SGMS1: variants seen among roughly 807,000 people sequenced by gnomAD.
The protein encoded by SGMS1 is sphingomyelin synthase 1.
SGMS1 carries 13 observed loss-of-function variants against 46.2 expected under a neutral mutation model. That is an observed-to-expected ratio of 0.28 (90% CI 0.18 to 0.45). SGMS1 has a LOEUF of 0.45. Ranked by LOEUF, SGMS1 falls within the 20% of genes least tolerant of loss-of-function variation. The probability of loss-of-function intolerance (pLI) is 1.00; values close to 1 mark genes in which losing one functional copy is unlikely to be tolerated. For missense variants in SGMS1, 324 were observed against 519.9 expected, an observed-to-expected ratio of 0.62 and a Z score of 3.66; for synonymous variants, 203 against 187.8, an observed-to-expected ratio of 1.08 and a Z score of -0.66.
intron 1 of SGMS1, among the ~76,000 whole-genome samples, chr10:50,621,090 C>T (rs955775771): frequency 2.0e-5 from 3 of 152,098 alleles, no homozygotes; most frequent in Non-Finnish European, 4.4e-5. Context: ...GTAAGAGAAT[C>T]CCCTGAGCCT....
In SGMS1 at chr10:50,430,211, C is replaced by A. The variant is rs559481809; in HGVS notation, c.-232+3265G>T. Among the ~76,000 whole-genome samples, 4 of 152,192 alleles carry A rather than the reference C, an allele frequency of 2.6e-5. No individual in the cohort carries two copies. The South Asian group carries it at 8.3e-4, about 32-fold the overall frequency. ...GCACCATGATGTTACCAAAGATGTT[C>A]ATTACAGCACACTTTACAAAAATGA... On this transcript the variant is annotated intron_variant, in intron 6 of 10. Coordinates refer to ENST00000361781, the MANE Select transcript of SGMS1 (RefSeq NM_147156.4).
intron 3 of SGMS1, chr10:50,474,129 C>G (rs916017384): frequency 1.3e-5 from 2 of 152,144 alleles, no homozygotes; most frequent in Non-Finnish European, 2.9e-5. Flanking sequence ...TATCTTGAAC[C>G]CTTTTGTTGA....
At chr10:50,472,630 T>C (rs967306107) in intron 3 of SGMS1, among the ~76,000 whole-genome samples, 4 of 152,204 alleles carry the variant, frequency 2.6e-5, no homozygotes, top group Non-Finnish European at 4.4e-5. Context: ...AAGGACACAA[T>C]AAACATGGGA....
At chr10:50,615,582 A>G (rs1023436984) in intron 1 of SGMS1, among the ~76,000 whole-genome samples, 2 of 152,196 alleles carry the variant, frequency 1.3e-5, no homozygotes, top group African/African-American at 4.8e-5. Flanking sequence ...CCACTGTACT[A>G]TAAGACAGAG....
In SGMS1 at chr10:50,307,366, C is replaced by A. The variant is rs1327440601; in HGVS notation, c.1063-45G>T. Reference sequence around the variant, plus strand: ...TAAACACATTTCTTACAATCTTTCACTTTAAGTTCAAATACTTGCCACGCT... The same window carrying A: ...TAAACACATTTCTTACAATCTTTCAATTTAAGTTCAAATACTTGCCACGCT... On this transcript the variant is annotated intron_variant, in intron 10 of 10. Transcript: ENST00000361781. This position sits in a 1 kb window ranked among gnomAD's most constrained non-coding sequence, Gnocchi z 4.2. 6.4e-7 allele frequency: 1 copy of A among 1,570,832 alleles called. No individual in the cohort carries two copies. Among genetic ancestry groups the A allele is most frequent in the African/African-American group, 1.4e-5 (1 of 73,908 alleles).
intron 1 of SGMS1, among the ~76,000 whole-genome samples, chr10:50,617,889 T>A (rs2131942102): frequency 6.6e-6 from 1 of 151,198 alleles, no homozygotes; most frequent in East Asian, 1.9e-4. Flanking sequence ...TAATTTTTTT[T>A]TTTTTTTTTG....
In SGMS1 at chr10:50,598,464, A is replaced by T. The variant is rs189841479; in HGVS notation, c.-683-8217T>A. Among the ~76,000 whole-genome samples, 998 of 152,348 alleles carry T rather than the reference A, an allele frequency of 6.6e-3. 14 individuals are homozygous for T. The highest frequency in any genetic ancestry group is 0.023 in the African/African-American group (938 of 41,580). ...CAAAAAGTGAATTTTACTGAATTTTAAGTTTTTAAAATTTAAAAATTACTA... is the reference window on the plus strand; with the variant it reads ...CAAAAAGTGAATTTTACTGAATTTTTAGTTTTTAAAATTTAAAAATTACTA... On this transcript the variant is annotated intron_variant, in intron 1 of 10. Coordinates refer to ENST00000361781, the MANE Select transcript of SGMS1 (RefSeq NM_147156.4).
intron 4 of SGMS1, among the ~76,000 whole-genome samples, chr10:50,465,747 C>T (rs1837320873): frequency 6.6e-6 from 1 of 151,916 alleles, no homozygotes; most frequent in African/African-American, 2.4e-5. Flanking sequence ...AATTGAGAGA[C>T]ATCAGTTTCC....
At chr10:50,334,009 C>G (rs1423350189) in intron 7 of SGMS1, among the ~76,000 whole-genome samples, 1 of 152,184 alleles carries the variant, frequency 6.6e-6, no homozygotes, top group Non-Finnish European at 1.5e-5. Flanking sequence ...AGCCTGGAGC[C>G]AGAGAGTAAG....
intron 6 of SGMS1, among the ~76,000 whole-genome samples, chr10:50,351,189 TG>T (rs891509742): frequency 1.3e-5 from 2 of 152,222 alleles, no homozygotes; most frequent in Non-Finnish European, 2.9e-5. Flanking sequence ...TGGACTTACA[TG>T]GGTCTGTAAC....
At chr10:50,435,166 G>A (rs1470925700) in intron 5 of SGMS1, among the ~76,000 whole-genome samples, 2 of 152,194 alleles carry the variant, frequency 1.3e-5, no homozygotes, top group East Asian at 1.9e-4. Flanking sequence ...AACCCCATCT[G>A]TGCTGTTTAA....
At chr10:50,511,198 C>T (rs139075594) in intron 3 of SGMS1, among the ~76,000 whole-genome samples, 215 of 150,078 alleles carry the variant, frequency 1.4e-3, no homozygotes, top group Middle Eastern at 7.0e-3. Flanking sequence ...AACAGTACTT[C>T]CTGCCTTTAA....
At chr10:50,415,781 C>G (rs542759845) in intron 6 of SGMS1, among the ~76,000 whole-genome samples, 1 of 152,160 alleles carries the variant, frequency 6.6e-6, no homozygotes, top group Non-Finnish European at 1.5e-5. Flanking sequence ...CTTTCATGAA[C>G]TCACCATTCT....
intron 6 of SGMS1, among the ~76,000 whole-genome samples, chr10:50,352,629 T>C (rs959654225): frequency 6.6e-6 from 1 of 152,206 alleles, no homozygotes; most frequent in African/African-American, 2.4e-5. Context: ...TAAAATCTCA[T>C]ACATAGCAAA....
chr10:50,611,245 G>T (rs1838746510), intron 1 of SGMS1, among the ~76,000 whole-genome samples: 1 of 152,102 alleles, frequency 6.6e-6, no homozygotes, highest in African/African-American at 2.4e-5. Context: ...GAAATCTCAG[G>T]GTCACCCTCT....
intron 2 of SGMS1, among the ~76,000 whole-genome samples, chr10:50,580,206 TAA>T (rs529206263): frequency 4.4e-4 from 67 of 152,004 alleles, no homozygotes; most frequent in African/African-American, 1.3e-3. Context: ...GAAACAAGCA[TAA>T]CAGGCATAAC....
chr10:50,425,400 G>T (rs1365378165), intron 6 of SGMS1, among the ~76,000 whole-genome samples: 1 of 152,164 alleles, frequency 6.6e-6, no homozygotes, highest in Non-Finnish European at 1.5e-5. Flanking sequence ...ACATGCCATG[G>T]AATACTACAC....
intron 2 of SGMS1, among the ~76,000 whole-genome samples, chr10:50,564,387 G>A (rs969109250): frequency 5.3e-5 from 8 of 152,136 alleles, no homozygotes; most frequent in South Asian, 2.1e-4. Flanking sequence ...TTTAAACTGC[G>A]CGACATTGTT....
chr10:50,468,948 C>T (rs553497742), intron 3 of SGMS1, among the ~76,000 whole-genome samples: 1 of 152,158 alleles, frequency 6.6e-6, no homozygotes, highest in Non-Finnish European at 1.5e-5. Context: ...TTACACTTAA[C>T]CCCACAAGAA....
Sources: gnomAD v4.1 joint callset for allele counts (sites outside exome capture counted in the v4.1 genomes callset) on GRCh38, gnomAD v4.1.1 for gene constraint, Gnocchi (gnomAD v3.1) non-coding constraint, MANE v1.5 for transcripts, NCBI Gene and HGNC (gene_info 2026-07-23, HGNC 2026-07-21) for gene names.